The following WDR7 variants were observed in gnomAD, a reference collection of about 807,000 sequenced individuals.
WDR7 encodes the protein WD repeat-containing protein 7.
In WDR7, 46 loss-of-function variants were observed where a neutral mutation model predicts 169.4. That is an observed-to-expected ratio of 0.27 (90% confidence interval 0.21 to 0.35). The LOEUF (loss-of-function observed/expected upper bound fraction) is 0.35, where lower values mean the gene tolerates loss of function less well. Ranked by LOEUF, WDR7 falls within the 10% of genes least tolerant of loss-of-function variation. The pLI, the probability that WDR7 is intolerant of heterozygous loss-of-function variation, is 1.00. For synonymous variants in WDR7, 612 were observed against 666.8 expected, an observed-to-expected ratio of 0.92 and a Z score of 1.27; for missense variants, 1,534 against 1,859.3, an observed-to-expected ratio of 0.83 and a Z score of 3.22.
intron 26 of WDR7, among the ~76,000 whole-genome samples, chr18:57,001,436 G>C (rs992299867): frequency 6.6e-6 from 1 of 152,070 alleles, no homozygotes; most frequent in Admixed American, 6.6e-5. Context: ...TCTCAATAGT[G>C]AGCCTTTTGC....
At chr18:56,766,350 T>G (rs977236525) in intron 16 of WDR7, among the ~76,000 whole-genome samples, 9 of 152,150 alleles carry the variant, frequency 5.9e-5, no homozygotes, top group African/African-American at 2.2e-4. Context: ...CTTTCCTCCC[T>G]CCTCTCTCTA....
chr18:56,658,991 T>C (rs535487), intron 1 of WDR7, among the ~76,000 whole-genome samples: 139,745 of 152,216 alleles, frequency 0.92, 65,319 homozygotes, highest in East Asian at 1. Context: ...GCTGGGATTA[T>C]AGGCTTGAGC....
chr18:56,827,678 G>T (rs1468664061), intron 20 of WDR7, among the ~76,000 whole-genome samples: 1 of 152,058 alleles, frequency 6.6e-6, no homozygotes, highest in East Asian at 1.9e-4. Context: ...TAATTTAGTT[G>T]TACATTTAAA....
chr18:56,858,163 T>C (rs1382892996), intron 20 of WDR7, among the ~76,000 whole-genome samples: 1 of 152,198 alleles, frequency 6.6e-6, no homozygotes, highest in Non-Finnish European at 1.5e-5. Flanking sequence ...ATTCTACTTA[T>C]TTTTATTAGC....
intron 26 of WDR7, among the ~76,000 whole-genome samples, chr18:56,995,035 G>T (rs918682751): frequency 1.3e-5 from 2 of 152,078 alleles, no homozygotes; most frequent in Non-Finnish European, 2.9e-5. Context: ...TTGTTGTGTT[G>T]AAATAATTTA....
At chr18:56,926,309 A>G (rs2046807242) in intron 22 of WDR7, among the ~76,000 whole-genome samples, 1 of 152,216 alleles carries the variant, frequency 6.6e-6, no homozygotes, top group Non-Finnish European at 1.5e-5. Flanking sequence ...CACCCGCCAC[A>G]CATCAACAGT....
At position 56,800,074 on chromosome 18, in the gene WDR7, A is replaced by G. The variant is rs570478862; in HGVS notation, c.3191-15957A>G. 3.3e-5 allele frequency among the ~76,000 whole-genome samples: 5 copies of G among 151,738 alleles called. No individual in the cohort carries two copies. The South Asian group carries it at 8.4e-4, about 25-fold the overall frequency. ...GACGGGGTTAAAAATGAAAGTTTATATTCTCTTTATACACTGTCGTATCTC... is the reference window on the plus strand; with the variant it reads ...GACGGGGTTAAAAATGAAAGTTTATGTTCTCTTTATACACTGTCGTATCTC... On this transcript the variant is annotated intron_variant, in intron 19 of 27. Coordinates refer to ENST00000254442, the MANE Select transcript of WDR7 (RefSeq NM_015285.3).
At chr18:56,993,839 T>C (rs901714584) in intron 26 of WDR7, among the ~76,000 whole-genome samples, 1 of 152,128 alleles carries the variant, frequency 6.6e-6, no homozygotes, top group Non-Finnish European at 1.5e-5. Context: ...GGATACATAT[T>C]TGGCAGAAAT....
chr18:57,001,448 T>C (rs918093293), intron 26 of WDR7, among the ~76,000 whole-genome samples: 3 of 152,120 alleles, frequency 2.0e-5, no homozygotes, highest in African/African-American at 7.2e-5. Context: ...GCCTTTTGCA[T>C]GTTCATTTCT....
intron 13 of WDR7, 138 bp downstream of exon 13, chr18:56,718,297 T>A: frequency 1.1e-6 from 1 of 940,358 alleles, no homozygotes; most frequent in Non-Finnish European, 1.5e-6. Flanking sequence ...ATTGTTTAAG[T>A]GGCCTCTTTT....
chr18:56,726,193 T>G (rs1185964484), intron 13 of WDR7, among the ~76,000 whole-genome samples: 2 of 152,174 alleles, frequency 1.3e-5, no homozygotes, highest in Non-Finnish European at 2.9e-5. Context: ...GTGAAGAAAG[T>G]CATTGGTAGC....
intron 16 of WDR7, 151 bp downstream of exon 16, chr18:56,759,104 A>G (rs142031033): frequency 1.4e-4 from 76 of 541,922 alleles, no homozygotes; most frequent in Middle Eastern, 7.8e-4. Context: ...TGGATAATTA[A>G]GATGTCAGTT....
intron 20 of WDR7, among the ~76,000 whole-genome samples, chr18:56,849,995 T>C (rs2045618884): frequency 6.6e-6 from 1 of 152,190 alleles, no homozygotes; most frequent in African/African-American, 2.4e-5. Context: ...ACAGACACAT[T>C]TGCCTTTTTT....
chr18:56,788,262 T>G (rs1487505259), intron 19 of WDR7, among the ~76,000 whole-genome samples: 12 of 152,192 alleles, frequency 7.9e-5, no homozygotes, highest in Non-Finnish European at 1.6e-4. Flanking sequence ...AGAATATACT[T>G]CTTTATTTGA....
In WDR7 at chr18:56,674,438, G is replaced by A. The variant is rs146000981; in HGVS notation, c.159+1764G>A. ...ATTGGCCGTTTGTATATCTTCTCTG[G>A]CAAACTGTCTATTCAGAGTCTTTGC... On this transcript the variant is annotated intron_variant, in intron 2 of 27. Coordinates refer to ENST00000254442, the MANE Select transcript of WDR7 (RefSeq NM_015285.3). Among the ~76,000 whole-genome samples, 475 of 151,888 alleles carry A rather than the reference G, an allele frequency of 3.1e-3. 1 individual carries two copies. Among genetic ancestry groups the A allele is most frequent in the Non-Finnish European group, 5.6e-3 (379 of 67,946 alleles).
At chr18:56,669,953 T>C (rs989264112) in intron 1 of WDR7, among the ~76,000 whole-genome samples, 3 of 152,146 alleles carry the variant, frequency 2.0e-5, no homozygotes, top group Non-Finnish European at 4.4e-5. Context: ...AACTGCATGC[T>C]CTGGATTTAC....
chr18:56,802,783 G>A (rs1347501946), intron 19 of WDR7, among the ~76,000 whole-genome samples: 2 of 151,902 alleles, frequency 1.3e-5, no homozygotes, highest in East Asian at 1.9e-4. Flanking sequence ...TCTTAACAAC[G>A]TCCTTTGCAG....
chr18:56,728,681 A>C lies in WDR7; in HGVS notation c.1775-2702A>C, dbSNP rs1238066076. 2.6e-5 allele frequency among the ~76,000 whole-genome samples: 4 copies of C among 152,098 alleles called. No homozygotes were observed. The East Asian group carries it at 5.8e-4, about 22-fold the overall frequency. On this transcript the variant is annotated intron_variant, in intron 13 of 27. Transcript: ENST00000254442. ...GCCCTTTTCATACCTCTTAGACTTCAACCTTCTGTGCCAGGTTGCTTTCAT... is the reference window on the plus strand; with the variant it reads ...GCCCTTTTCATACCTCTTAGACTTCCACCTTCTGTGCCAGGTTGCTTTCAT...
intron 19 of WDR7, among the ~76,000 whole-genome samples, chr18:56,807,168 T>A (rs1002025069): frequency 6.9e-6 from 1 of 144,284 alleles, no homozygotes; most frequent in African/African-American, 2.5e-5. Context: ...AAAAAAAAAA[T>A]TCATGAAGGA....
Sources: allele counts gnomAD v4.1 joint callset (sites outside exome capture counted in the v4.1 genomes callset), GRCh38; gene constraint gnomAD v4.1.1; transcripts MANE v1.5; gene names NCBI Gene and HGNC (gene_info 2026-07-23, HGNC 2026-07-21).